Variants in PAH observed in about 807,000 individuals in gnomAD.
PAH encodes the protein phenylalanine-4-hydroxylase.
A neutral mutation model predicts 62.0 loss-of-function variants in PAH; 64 were observed. The ratio of observed to expected loss-of-function variants is 1.03; its 90% CI spans 0.84 to 1.27. PAH has a LOEUF of 1.27. PAH is among the 50% of genes most tolerant of loss of function. The pLI, the probability that PAH is intolerant of heterozygous loss-of-function variation, is 0.00. For synonymous variants in PAH, 195 were observed against 196.2 expected (o/e 0.99, Z 0.05); for missense variants, 579 against 542.8 (o/e 1.07, Z -0.66).
intron 2 of PAH, among the ~76,000 whole-genome samples, chr12:102,898,029 T>TGGCAAAGTCTG (rs1222063009): frequency 6.6e-6 from 1 of 152,062 alleles, no homozygotes; most frequent in African/African-American, 2.4e-5. Flanking sequence ...CAGCAACACT[T>TGGCAAAGTCTG]GGCAAAGTCT....
chr12:102,917,102 C>G lies in PAH; in HGVS notation c.29G>C (p.Gly10Ala). MSTAVLENP[G>A]LGRKLSDFGQ... ...AAAGTCAGAGAGTTTCCTGCCCAAG[C>G]CTGGGTTTTCCAGGACCGCAGTGGA... Residue 10 changes from glycine (G) to alanine (A), a missense_variant, in exon 1 of 13, where the codon GGC becomes GCC. Physicochemically the swap from Gly to Ala is moderately conservative, Grantham distance 60. Coordinates refer to ENST00000553106, the MANE Select transcript of PAH (RefSeq NM_000277.3). 5 of 1,614,212 alleles carry G rather than the reference C, an allele frequency of 3.1e-6. No homozygotes were observed. Among genetic ancestry groups the G allele is most frequent in the African/African-American group, 1.3e-5 (1 of 75,058 alleles).
At chr12:102,935,871 T>C (rs910063290) in intron 1 of PAH, among the ~76,000 whole-genome samples, 12 of 152,004 alleles carry the variant, frequency 7.9e-5, no homozygotes, top group African/African-American at 2.7e-4. Flanking sequence ...TTGTATTGTT[T>C]TCTTTGTTTT....
chr12:102,947,527 T>C (rs1879551077), intron 1 of PAH, among the ~76,000 whole-genome samples: 2 of 152,156 alleles, frequency 1.3e-5, no homozygotes, highest in African/African-American at 4.8e-5. Flanking sequence ...GCAGCATATG[T>C]CATCAAGGAA....
At chr12:102,852,721 GACCAGCCAGCAATGA>G (rs761898042) in intron 7 of PAH, 79 bp downstream of exon 7, 153 of 1,494,368 alleles carry the variant, frequency 1.0e-4, no homozygotes, top group Non-Finnish European at 1.4e-4. Flanking sequence ...TAGTCCTGTG[GACCAGCCAGCAATGA>G]ACCCAAACCT....
intron 4 of PAH, among the ~76,000 whole-genome samples, chr12:102,872,650 T>G (rs1002779501): frequency 6.6e-6 from 1 of 152,198 alleles, no homozygotes; most frequent in African/African-American, 2.4e-5. Context: ...CAGGAAAACT[T>G]GATGCCCACA....
At chr12:102,924,452 C>T (rs1878632031) in intron 1 of PAH, among the ~76,000 whole-genome samples, 1 of 152,058 alleles carries the variant, frequency 6.6e-6, no homozygotes. Flanking sequence ...GAGACAATTT[C>T]TATGGCATTT....
At position 102,852,784 on chromosome 12, in the gene PAH, T is replaced by G. The variant is rs914862028; in HGVS notation, c.842+31A>C. On this transcript the variant is annotated intron_variant, in intron 7 of 12. Transcript: ENST00000553106. The stretch of plus-strand genomic sequence containing the variant: ...AGGAAAAGATGGCGCTCATTGTGCC[T>G]GGCAACTGGTAGCTGGAGGACAGTA... The G allele has an allele frequency of 2.0e-5, 33 of 1,613,788 alleles. 1 individual carries two copies. The highest frequency in any genetic ancestry group is 2.7e-5 in the Non-Finnish European group (32 of 1,179,834).
intron 2 of PAH, among the ~76,000 whole-genome samples, chr12:102,895,313 A>T (rs1877453830): frequency 6.6e-6 from 1 of 152,202 alleles, no homozygotes; most frequent in Non-Finnish European, 1.5e-5. Context: ...TATAGAAGCA[A>T]CATTGTTCTG....
intron 1 of PAH, among the ~76,000 whole-genome samples, chr12:102,922,337 G>A (rs1241299452): frequency 6.6e-6 from 1 of 151,842 alleles, no homozygotes; most frequent in African/African-American, 2.4e-5. Flanking sequence ...GGGTCTACAG[G>A]TGCGCACCAC....
rs369715572 is a variant in PAH at position 102,854,892 on chromosome 12, A to G, written c.706+244T>C. The G allele has an allele frequency of 5.1e-5, 29 of 572,926 alleles. 1 individual carries two copies. The highest frequency in any genetic ancestry group is 3.4e-4 in the African/African-American group (18 of 53,416). The allele number at this position is 572,926 out of a possible 1,614,324, so 35.5% of individuals were successfully genotyped here. On this transcript the variant is annotated intron_variant, in intron 6 of 12. Transcript: ENST00000553106. ...GTGAAAGAAAATACTTTTCAGGGAC[A>G]GGTACACGGCAAAATCCACAGCCTC... is the stretch of plus-strand genomic sequence containing the variant.
intron 11 of PAH, among the ~76,000 whole-genome samples, chr12:102,841,805 GGTGTGTATCA>G (rs1312465507): frequency 1.3e-5 from 2 of 152,160 alleles, no homozygotes; most frequent in East Asian, 1.9e-4. Flanking sequence ...TACCCTACTA[GGTGTGTATCA>G]GTCCAGAAGT....
At chr12:102,890,845 G>A (rs965132093) in intron 3 of PAH, among the ~76,000 whole-genome samples, 1 of 152,180 alleles carries the variant, frequency 6.6e-6, no homozygotes, top group Non-Finnish European at 1.5e-5. Flanking sequence ...CACTTTGGGA[G>A]GCCGAGGTGG....
At chr12:102,889,237 C>T (rs1257109561) in intron 3 of PAH, among the ~76,000 whole-genome samples, 1 of 152,180 alleles carries the variant, frequency 6.6e-6, no homozygotes, top group East Asian at 1.9e-4. Context: ...CTCCCTTCAA[C>T]CCCAATTGAT....
intron 5 of PAH, among the ~76,000 whole-genome samples, chr12:102,856,703 G>A (rs1234879620): frequency 6.6e-6 from 1 of 152,222 alleles, no homozygotes; most frequent in Non-Finnish European, 1.5e-5. Flanking sequence ...AGCCTCCGCT[G>A]CTGACACCCA....
intron 4 of PAH, among the ~76,000 whole-genome samples, chr12:102,874,605 G>A (rs953082260): frequency 6.6e-6 from 1 of 152,174 alleles, no homozygotes; most frequent in African/African-American, 2.4e-5. Context: ...CACAGCCCCT[G>A]CTCAAGAAGC....
intron 2 of PAH, among the ~76,000 whole-genome samples, chr12:102,903,541 A>C (rs1276019066): frequency 6.6e-6 from 1 of 152,158 alleles, no homozygotes; most frequent in African/African-American, 2.4e-5. Flanking sequence ...ATCTGATGAG[A>C]TCATTGAATA....
chr12:102,889,782 C>A (rs1460617146), intron 3 of PAH, among the ~76,000 whole-genome samples: 2 of 152,194 alleles, frequency 1.3e-5, no homozygotes, highest in Non-Finnish European at 2.9e-5. Context: ...TGTCTGTCTG[C>A]TTCTCCTGGC....
rs62517206 is a variant in PAH, at chr12:102,844,391, C to T, written c.1010G>A (p.Gly337Glu). 34 of 1,613,768 alleles carry T rather than the reference C, an allele frequency of 2.1e-5. No homozygotes were observed. The East Asian group carries it at 7.6e-4, about 36-fold the overall frequency. Residue 337 changes from glycine to glutamate, a missense_variant, in exon 10 of 13, where the codon GGA becomes GAA. By Grantham distance (98) the Gly-to-Glu change is moderately conservative (BLOSUM62 -2). Coordinates refer to ENST00000553106, the MANE Select transcript of PAH (RefSeq NM_000277.3). The stretch of plus-strand genomic sequence containing the variant: ...AGCACCATATGCCTTTATGGAGTCT[C>T]CTTGTTTGCAGAGCCCAAACTCCAC... ...FTVEFGLCKQGDSIKAYGAGL... is the reference protein window; with the variant it reads ...FTVEFGLCKQEDSIKAYGAGL...
intron 6 of PAH, chr12:102,853,367 A>ACC: frequency 7.4e-5 from 24 of 323,002 alleles, no homozygotes; most frequent in South Asian, 2.2e-4. Context: ...CCCAGAAGGG[A>ACC]AGAGTATGGA....
Sources: allele counts gnomAD v4.1 joint callset (sites outside exome capture counted in the v4.1 genomes callset), GRCh38; gene constraint gnomAD v4.1.1; transcripts MANE v1.5; gene names NCBI Gene and HGNC (gene_info 2026-07-23, HGNC 2026-07-21).